Variants in PDE1A observed in about 807,000 individuals in gnomAD.
PDE1A encodes phosphodiesterase 1A, also known as dual specificity calcium/calmodulin-dependent 3',5'-cyclic nucleotide phosphodiesterase 1A.
Under a neutral mutation model 61.7 loss-of-function variants are expected in PDE1A, and 35 were observed. That is an observed-to-expected ratio of 0.57 (90% CI 0.43 to 0.75). The LOEUF is 0.75. PDE1A is among the 30% of genes least tolerant of loss of function. PDE1A has a pLI of 0.00. For synonymous variants in PDE1A, 232 were observed against 213.2 expected (o/e 1.09, Z -0.77); for missense variants, 597 against 630.6 (o/e 0.95, Z 0.57).
chr2:182,555,584 A>C, the PDE1A span, among the ~76,000 whole-genome samples: 2 of 152,342 alleles, frequency 1.3e-5, no homozygotes, highest in East Asian at 3.8e-4. Context: ...TTTTACACTG[A>C]GAAAATTTTG....
intron 8 of PDE1A, among the ~76,000 whole-genome samples, chr2:182,202,025 G>C (rs1031247748): frequency 2.0e-5 from 3 of 152,182 alleles, no homozygotes; most frequent in Non-Finnish European, 4.4e-5. Flanking sequence ...ACACCTCCCT[G>C]AAGAGCTAGT....
the PDE1A span, among the ~76,000 whole-genome samples, chr2:182,673,436 T>C: frequency 6.6e-6 from 1 of 152,202 alleles, no homozygotes; most frequent in Non-Finnish European, 1.5e-5. Context: ...CACTTCTTTT[T>C]ACTGGTGTCT....
At chr2:182,361,073 A>T (rs1217235792) in intron 1 of PDE1A, among the ~76,000 whole-genome samples, 1 of 152,062 alleles carries the variant, frequency 6.6e-6, no homozygotes, top group Non-Finnish European at 1.5e-5. Context: ...ACCATTACAC[A>T]CCGGCCGAAA....
chr2:182,589,624 C>T, the PDE1A span, among the ~76,000 whole-genome samples: 1,392 of 152,256 alleles, frequency 9.1e-3, 11 homozygotes, highest in Middle Eastern at 0.027. Flanking sequence ...GTAATGCAAT[C>T]CCACGAAAAA....
At chr2:182,377,691 CAA>C (rs1321209134) in intron 1 of PDE1A, among the ~76,000 whole-genome samples, 1 of 152,032 alleles carries the variant, frequency 6.6e-6, no homozygotes, top group Non-Finnish European at 1.5e-5. Flanking sequence ...GGTATTTACT[CAA>C]GAGAAATGAA....
chr2:182,354,037 C>T (rs1247388361), intron 1 of PDE1A, among the ~76,000 whole-genome samples: 5 of 152,092 alleles, frequency 3.3e-5, no homozygotes, highest in South Asian at 2.1e-4. Context: ...CACACTTTCA[C>T]GAACGAGATC....
At chr2:182,278,968 T>G (rs145579019) in intron 1 of PDE1A, among the ~76,000 whole-genome samples, 1 of 152,152 alleles carries the variant, frequency 6.6e-6, no homozygotes, top group African/African-American at 2.4e-5. Flanking sequence ...TGAAGTTCAT[T>G]TCTTTTCCAA....
the PDE1A span, among the ~76,000 whole-genome samples, chr2:182,694,688 A>AAAAT: frequency 9.6e-4 from 146 of 152,328 alleles, 3 homozygotes; most frequent in African/African-American, 3.4e-3. Flanking sequence ...CATATGCTAA[A>AAAAT]AACCCAGAAA....
intron 1 of PDE1A, among the ~76,000 whole-genome samples, chr2:182,266,167 T>C (rs1692622386): frequency 6.6e-6 from 1 of 152,120 alleles, no homozygotes. Flanking sequence ...GGCAATAACA[T>C]TGAAAAATAA....
At chr2:182,582,870 T>C in the PDE1A span, among the ~76,000 whole-genome samples, 2 of 152,228 alleles carry the variant, frequency 1.3e-5, no homozygotes, top group African/African-American at 4.8e-5. Flanking sequence ...CATTTTTCTG[T>C]GCTTGTATCC....
At chr2:182,355,722 A>C (rs1191337304) in intron 1 of PDE1A, among the ~76,000 whole-genome samples, 2 of 152,110 alleles carry the variant, frequency 1.3e-5, no homozygotes, top group African/African-American at 2.4e-5. Context: ...CTTTTAATTA[A>C]GGTAGAGTTT....
At chr2:182,412,084 T>C (rs573151273) in intron 1 of PDE1A, among the ~76,000 whole-genome samples, 2 of 152,112 alleles carry the variant, frequency 1.3e-5, no homozygotes, top group Non-Finnish European at 2.9e-5. Flanking sequence ...AGATTATCTA[T>C]TCCAAAATGT....
chr2:182,276,982 G>C (rs896736308), intron 1 of PDE1A, among the ~76,000 whole-genome samples: 36 of 152,014 alleles, frequency 2.4e-4, no homozygotes, highest in Non-Finnish European at 5.0e-4. Flanking sequence ...CTCTGCTCTC[G>C]AACGCTGTTT....
chr2:182,221,633 C>T (rs1484978452), intron 7 of PDE1A, among the ~76,000 whole-genome samples: 1 of 152,002 alleles, frequency 6.6e-6, no homozygotes, highest in Non-Finnish European at 1.5e-5. Flanking sequence ...ATGCCCTCCC[C>T]AACACTTCAC....
intron 2 of PDE1A, among the ~76,000 whole-genome samples, chr2:182,509,872 T>A (rs1388002737): frequency 6.6e-6 from 1 of 152,158 alleles, no homozygotes; most frequent in Non-Finnish European, 1.5e-5. Context: ...AATTAGTACA[T>A]TATTGTTTTT....
chr2:182,597,769 A>G, the PDE1A span, among the ~76,000 whole-genome samples: 1 of 152,252 alleles, frequency 6.6e-6, no homozygotes, highest in Non-Finnish European at 1.5e-5. Flanking sequence ...GCAACCTTCA[A>G]TATCTTCCCT....
the PDE1A span, among the ~76,000 whole-genome samples, chr2:182,529,811 T>G: frequency 6.6e-6 from 1 of 152,218 alleles, no homozygotes; most frequent in Non-Finnish European, 1.5e-5. Context: ...CTCTCTTGTC[T>G]GCCACCATAT....
At chr2:182,568,484 G>A in the PDE1A span, among the ~76,000 whole-genome samples, 9 of 151,870 alleles carry the variant, frequency 5.9e-5, no homozygotes, top group Admixed American at 5.9e-4. Context: ...CGAGACAGCG[G>A]TGAAACCCCA....
chr2:182,294,248 T>G (rs989940993), intron 1 of PDE1A, among the ~76,000 whole-genome samples: 13 of 152,182 alleles, frequency 8.5e-5, no homozygotes, highest in African/African-American at 3.1e-4. Context: ...TTGTACAACA[T>G]AAGTAAACGT....
Sources: allele counts gnomAD v4.1 joint callset (sites outside exome capture counted in the v4.1 genomes callset), GRCh38; gene constraint gnomAD v4.1.1; transcripts MANE v1.5; gene names NCBI Gene and HGNC (gene_info 2026-07-23, HGNC 2026-07-21).